TMPO: variants seen among roughly 807,000 people sequenced by gnomAD.
TMPO encodes LEM domain containing 4.
Under a neutral mutation model 45.4 loss-of-function variants are expected in TMPO, and 22 were observed. The ratio of observed to expected loss-of-function variants is 0.48; its 90% CI spans 0.35 to 0.69. TMPO has a LOEUF of 0.69. TMPO is among the 30% of genes least tolerant of loss of function. The pLI is 0.01. For missense variants in TMPO, 512 were observed against 548.8 expected, an observed-to-expected ratio of 0.93 and a Z score of 0.67; for synonymous variants, 241 against 204.1, an observed-to-expected ratio of 1.18 and a Z score of -1.54.
chr12:98,536,288 G>T (rs1399843449), intron 3 of TMPO, among the ~76,000 whole-genome samples: 1 of 151,984 alleles, frequency 6.6e-6, no homozygotes, highest in Non-Finnish European at 1.5e-5. Context: ...TTAAATTTTT[G>T]GTAGTAGAAG....
chr12:98,520,692 C>A (rs566318458), intron 1 of TMPO, among the ~76,000 whole-genome samples: 3 of 151,396 alleles, frequency 2.0e-5, no homozygotes, highest in Non-Finnish European at 4.4e-5. Context: ...GGTGCAATCT[C>A]GGCTCCCTGC....
At chr12:98,519,685 C>T (rs1876180901) in intron 1 of TMPO, among the ~76,000 whole-genome samples, 1 of 152,190 alleles carries the variant, frequency 6.6e-6, no homozygotes, top group East Asian at 1.9e-4. Context: ...ATAGCCATGC[C>T]AACAACTTGA....
chr12:98,528,251 C>CT (rs72519624), intron 2 of TMPO, among the ~76,000 whole-genome samples: 4,950 of 131,302 alleles, frequency 0.038, 287 homozygotes, highest in African/African-American at 0.12. Flanking sequence ...TTATATCGTA[C>CT]TTTTTTTTTT....
chr12:98,538,866 A>G (rs1370410207), intron 4 of TMPO, among the ~76,000 whole-genome samples: 1 of 152,098 alleles, frequency 6.6e-6, no homozygotes, highest in Non-Finnish European at 1.5e-5. Context: ...TTGCCCTTTT[A>G]TGTAGTAGTC....
intron 3 of TMPO, chr12:98,533,169 G>A: frequency 6.2e-7 from 1 of 1,614,014 alleles, no homozygotes; most frequent in Non-Finnish European, 8.5e-7. Context: ...GTGCCATGTT[G>A]GTCTCTACTG....
Position 98,530,504 on chromosome 12 carries a change from T to C in TMPO, c.407-1176T>C, listed in dbSNP as rs569154701. 2.8e-4 allele frequency among the ~76,000 whole-genome samples: 29 copies of C among 105,096 alleles called. 2 individuals are homozygous for C. In the South Asian group the frequency reaches 6.4e-3, roughly 23 times the overall value. The allele number at this position is 105,096 out of a possible 152,430, so 68.9% of individuals were successfully genotyped here. A position where few individuals can be genotyped will look rare whatever the true frequency, so the allele number is the denominator to read the frequency against. On this transcript the variant is annotated intron_variant, in intron 2 of 8. Transcript: ENST00000556029. The stretch of plus-strand genomic sequence containing the variant: ...AAAATATCCATTATCATTTTGCTCA[T>C]CTTACCAGGAGTTAAGGAAAGATAA...
At chr12:98,534,022 G>C (rs773583409) in intron 3 of TMPO, 1 of 1,608,108 alleles carries the variant, frequency 6.2e-7, no homozygotes, top group Non-Finnish European at 8.5e-7. Flanking sequence ...CACTGCCTTT[G>C]TAGCTAAGGC....
At chr12:98,527,359 A>T (rs1056385248) in intron 1 of TMPO, among the ~76,000 whole-genome samples, 1 of 150,872 alleles carries the variant, frequency 6.6e-6, no homozygotes, top group African/African-American at 2.4e-5. Context: ...AACAAAAAAA[A>T]AAAACCACAG....
chr12:98,527,775 T>G (rs1010283359), intron 1 of TMPO, 111 bp from the exon 2 acceptor site: 15 of 1,257,296 alleles, frequency 1.2e-5, no homozygotes, highest in Non-Finnish European at 1.6e-5. Flanking sequence ...AGGCCTAATA[T>G]TACTATAAAC....
At chr12:98,534,433 T>G (rs1305192806) in intron 3 of TMPO, 17 of 1,585,376 alleles carry the variant, frequency 1.1e-5, no homozygotes, top group Non-Finnish European at 1.4e-5. Context: ...AGTTTCCAGA[T>G]AGGGCTAATT....
intron 3 of TMPO, chr12:98,533,705 A>G (rs1427252776): frequency 6.2e-7 from 1 of 1,614,084 alleles, no homozygotes; most frequent in Non-Finnish European, 8.5e-7. Context: ...TCACAGCATG[A>G]TAAAATAGAT....
chr12:98,536,253 C>T (rs1031496472), intron 3 of TMPO, among the ~76,000 whole-genome samples: 19 of 152,116 alleles, frequency 1.2e-4, no homozygotes, highest in African/African-American at 3.6e-4. Flanking sequence ...TCCTTTCTGT[C>T]TCTTCAGTAA....
chr12:98,528,660 CAAAT>C (rs1421474472), intron 2 of TMPO, among the ~76,000 whole-genome samples: 3 of 147,396 alleles, frequency 2.0e-5, no homozygotes, highest in Admixed American at 6.8e-5. Context: ...CAAATTTGCC[CAAAT>C]AAATGAGTTA....
chr12:98,531,985 A>G (rs1877228075), intron 3 of TMPO, 147 bp downstream of exon 3: 2 of 659,616 alleles, frequency 3.0e-6, no homozygotes, highest in Admixed American at 3.2e-5. Flanking sequence ...AATTTGATTT[A>G]AATACTTTTT....
chr12:98,538,394 C>G (rs1402787392), intron 4 of TMPO, among the ~76,000 whole-genome samples: 1 of 152,090 alleles, frequency 6.6e-6, no homozygotes, highest in South Asian at 2.1e-4. Flanking sequence ...TCTTGTCACC[C>G]GGGCTGGAGT....
At chr12:98,537,834 T>G (rs750372145) in intron 4 of TMPO, 21 of 546,912 alleles carry the variant, frequency 3.8e-5, no homozygotes, top group Non-Finnish European at 6.8e-5. Context: ...ATATGGTGTT[T>G]TGAAAGAAAT....
At chr12:98,534,514 T>C in intron 3 of TMPO, 1 of 1,422,202 alleles carries the variant, frequency 7.0e-7, no homozygotes, top group South Asian at 1.5e-5. Flanking sequence ...TACTTGTCTT[T>C]TCTAAAGATT....
rs369656927 is a variant in TMPO, at chr12:98,530,946, C to G, written c.407-734C>G. Reference sequence around the variant, plus strand: ...ATGCTATTAAAAGAAATGTCATTTCCCAAAAAACCACCTGTTGTAAAAAGA... The same window carrying G: ...ATGCTATTAAAAGAAATGTCATTTCGCAAAAAACCACCTGTTGTAAAAAGA... On this transcript the variant is annotated intron_variant, in intron 2 of 8. Coordinates refer to ENST00000556029, the MANE Select transcript of TMPO (RefSeq NM_001032283.3). 9.9e-5 allele frequency among the ~76,000 whole-genome samples: 15 copies of G among 152,132 alleles called. No individual in the cohort carries two copies. In the East Asian group the frequency reaches 2.1e-3, roughly 21 times the overall value.
intron 4 of TMPO, among the ~76,000 whole-genome samples, chr12:98,539,517 G>T (rs1463707635): frequency 7.1e-6 from 1 of 141,768 alleles, no homozygotes; most frequent in Non-Finnish European, 1.5e-5. Flanking sequence ...CTGTCGCCCA[G>T]GTTGGAGTGC....
Sources: gnomAD v4.1 joint callset for allele counts (sites outside exome capture counted in the v4.1 genomes callset) on GRCh38, gnomAD v4.1.1 for gene constraint, MANE v1.5 for transcripts, NCBI Gene and HGNC (gene_info 2026-07-23, HGNC 2026-07-21) for gene names.